CADM2: variants seen among roughly 807,000 people sequenced by gnomAD.
CADM2 encodes immunoglobulin superfamily member 4D.
CADM2 carries 12 observed loss-of-function variants against 49.8 expected under a neutral mutation model. The observed-to-expected ratio is 0.24, with a 90% confidence interval of 0.15 to 0.39. The LOEUF (loss-of-function observed/expected upper bound fraction) is 0.39. Ranked by LOEUF, CADM2 falls within the 10% of genes least tolerant of loss-of-function variation. The pLI, the probability that CADM2 is intolerant of heterozygous loss-of-function variation, is 1.00. For synonymous variants in CADM2, 214 were observed against 175.4 expected, an observed-to-expected ratio of 1.22 and a Z score of -1.74; for missense variants, 378 against 492.3, an observed-to-expected ratio of 0.77 and a Z score of 2.20.
At chr3:85,784,718 T>C (rs1186971177) in intron 2 of CADM2, among the ~76,000 whole-genome samples, 3 of 152,178 alleles carry the variant, frequency 2.0e-5, no homozygotes, top group East Asian at 1.9e-4. Context: ...GCATCTATGT[T>C]CATCAGAGAT....
chr3:85,065,422 T>C (rs2036493079), intron 1 of CADM2, among the ~76,000 whole-genome samples: 1 of 152,134 alleles, frequency 6.6e-6, no homozygotes, highest in South Asian at 2.1e-4. Flanking sequence ...TGTCTCTTTT[T>C]TAATCATTTT....
chr3:84,991,861 T>C (rs1463487927), intron 1 of CADM2, among the ~76,000 whole-genome samples: 1 of 152,192 alleles, frequency 6.6e-6, no homozygotes, highest in Non-Finnish European at 1.5e-5. Flanking sequence ...TGGAAGGAAC[T>C]TAAATGCATT....
At chr3:85,150,410 A>G (rs968541839) in intron 1 of CADM2, among the ~76,000 whole-genome samples, 1 of 152,192 alleles carries the variant, frequency 6.6e-6, no homozygotes, top group African/African-American at 2.4e-5. Context: ...TTTAAAATTT[A>G]TGTATTGGCA....
chr3:85,541,715 ATAT>A (rs1333102176), intron 1 of CADM2, among the ~76,000 whole-genome samples: 1 of 36,920 alleles, frequency 2.7e-5, no homozygotes, highest in Non-Finnish European at 1.1e-4. Flanking sequence ...TATATATTTT[ATAT>A]TATATATATA....
intron 1 of CADM2, among the ~76,000 whole-genome samples, chr3:85,304,924 T>C (rs556941752): frequency 6.6e-6 from 1 of 151,850 alleles, no homozygotes; most frequent in East Asian, 1.9e-4. Context: ...CCAATGTAGG[T>C]GATAAATTAT....
rs535789324 is a variant in CADM2, at chr3:85,206,347, A to G, written c.61+246679A>G. On this transcript the variant is annotated intron_variant, in intron 1 of 9. Transcript: ENST00000383699. ...TTTTGAGATGGAGTCTTGCTCTGTC[A>G]CCCAGGCTGGAGTGCAGTGGCGCAA... 4.8e-3 allele frequency among the ~76,000 whole-genome samples: 663 copies of G among 138,224 alleles called. 2 individuals are homozygous for G. Among genetic ancestry groups the G allele is most frequent in the Middle Eastern group, 0.02 (5 of 252 alleles). 90.7% of individuals were successfully genotyped at this position (138,224 alleles called of 152,430 possible). A position where few individuals can be genotyped will look rare whatever the true frequency, so the allele number is the denominator to read the frequency against.
At chr3:85,724,707 C>T (rs1040053942) in intron 1 of CADM2, among the ~76,000 whole-genome samples, 1 of 151,640 alleles carries the variant, frequency 6.6e-6, no homozygotes, top group Admixed American at 6.6e-5. Context: ...ATAAGAACTG[C>T]AAATTTTATT....
chr3:86,018,775 T>G, intron 8 of CADM2, among the ~76,000 whole-genome samples: 1 of 152,060 alleles, frequency 6.6e-6, no homozygotes. Context: ...TTCTGGATAT[T>G]AGCCCTTTGT....
intron 1 of CADM2, among the ~76,000 whole-genome samples, chr3:85,615,333 C>T (rs1318459215): frequency 6.6e-6 from 1 of 151,942 alleles, no homozygotes; most frequent in African/African-American, 2.4e-5. Flanking sequence ...TGCTATGTTT[C>T]AGTGAATCTT....
intron 1 of CADM2, among the ~76,000 whole-genome samples, chr3:85,184,837 A>G (rs949320787): frequency 6.6e-6 from 1 of 152,136 alleles, no homozygotes; most frequent in Non-Finnish European, 1.5e-5. Context: ...ATTTGTCAAG[A>G]TAAATATCCT....
chr3:85,345,642 A>C (rs1194268238), intron 1 of CADM2, among the ~76,000 whole-genome samples: 1 of 152,180 alleles, frequency 6.6e-6, no homozygotes, highest in Non-Finnish European at 1.5e-5. Flanking sequence ...GCAAGGAAAA[A>C]CTGATGAGCT....
intron 1 of CADM2, among the ~76,000 whole-genome samples, chr3:85,045,048 T>G (rs1648977694): frequency 6.6e-6 from 1 of 152,078 alleles, no homozygotes. Flanking sequence ...ACCGTTAGCC[T>G]CGATTGTTTA....
intron 1 of CADM2, among the ~76,000 whole-genome samples, chr3:85,196,068 G>C (rs1441205164): frequency 6.6e-6 from 1 of 152,000 alleles, no homozygotes. Flanking sequence ...TGCTGGGTTA[G>C]AGTGTCCCCA....
chr3:85,736,390 G>C (rs964843545), intron 2 of CADM2, among the ~76,000 whole-genome samples: 2 of 152,168 alleles, frequency 1.3e-5, no homozygotes, highest in Non-Finnish European at 2.9e-5. Context: ...ATTCACCATA[G>C]TGAAAGAAGG....
intron 1 of CADM2, among the ~76,000 whole-genome samples, chr3:85,363,793 A>G (rs866536980): frequency 1.3e-5 from 2 of 151,922 alleles, no homozygotes; most frequent in African/African-American, 4.8e-5. Flanking sequence ...TTGTATTTTC[A>G]GTAGAGACGA....
chr3:85,155,560 G>A (rs2040082155), intron 1 of CADM2, among the ~76,000 whole-genome samples: 1 of 152,002 alleles, frequency 6.6e-6, no homozygotes, highest in Non-Finnish European at 1.5e-5. Flanking sequence ...GGATACCCAG[G>A]AATTGAACTC....
At chr3:85,894,145 C>T (rs1714874429) in intron 5 of CADM2, among the ~76,000 whole-genome samples, 1 of 152,144 alleles carries the variant, frequency 6.6e-6, no homozygotes, top group Non-Finnish European at 1.5e-5. Flanking sequence ...GGCACATATA[C>T]ACCATAGAAT....
At chr3:85,049,965 C>T (rs996352883) in intron 1 of CADM2, among the ~76,000 whole-genome samples, 1 of 152,110 alleles carries the variant, frequency 6.6e-6, no homozygotes, top group Admixed American at 6.6e-5. Flanking sequence ...ATATCTTGGG[C>T]TGGACTCCTT....
chr3:84,959,756 C>T lies in CADM2; in HGVS notation c.61+88C>T. On this transcript the variant is annotated intron_variant, in intron 1 of 9. Transcript: ENST00000383699. The stretch of plus-strand genomic sequence containing the variant: ...ACCCCATATTTCCACTCTCCCCTCC[C>T]AGTCTCCCTGTCCCCAGCGATTTCC... 6 of 1,261,804 alleles carry T rather than the reference C, an allele frequency of 4.8e-6. No homozygotes were observed. The East Asian group carries it at 1.3e-4, about 27-fold the overall frequency. The allele number at this position is 1,261,804 out of a possible 1,614,324, so 78.2% of individuals were successfully genotyped here. A position where few individuals can be genotyped will look rare whatever the true frequency, so the allele number is the denominator to read the frequency against.
Sources: allele counts gnomAD v4.1 joint callset (sites outside exome capture counted in the v4.1 genomes callset), GRCh38; gene constraint gnomAD v4.1.1; transcripts MANE v1.5; gene names NCBI Gene and HGNC (gene_info 2026-07-23, HGNC 2026-07-21).